The following ZNF248 variants were observed in gnomAD, a reference collection of about 807,000 sequenced individuals.
The protein encoded by ZNF248 is zinc finger protein 248.
A neutral mutation model predicts 44.3 loss-of-function variants in ZNF248; 20 were observed. That is an observed-to-expected ratio of 0.45 (90% CI 0.32 to 0.66). The LOEUF (loss-of-function observed/expected upper bound fraction) is 0.66, where lower values mean the gene tolerates loss of function less well. Among genes scored for constraint, ZNF248 ranks in the 30% least tolerant of loss-of-function variants. The pLI is 0.04. For missense variants in ZNF248, 654 were observed against 677.0 expected (o/e 0.97, Z 0.38); for synonymous variants, 224 against 229.0 (o/e 0.98, Z 0.20).
Position 37,778,138 on chromosome 10 carries a change from T to C in ZNF248, c.331-1563A>G, listed in dbSNP as rs1317250340. On this transcript the variant is annotated intron_variant, in intron 6 of 6. Coordinates refer to the ZNF248 transcript ENST00000615949. Reference sequence around the variant, plus strand: ...TGACTTCCACAATGGTTGAACTAGTTTACAGTCCCACCAACAGTGTAAAAG... The same window carrying C: ...TGACTTCCACAATGGTTGAACTAGTCTACAGTCCCACCAACAGTGTAAAAG... Among the ~76,000 whole-genome samples the C allele has an allele frequency of 2.0e-5, 3 of 152,162 alleles. No individual in the cohort carries two copies. The East Asian group carries it at 5.8e-4, about 29-fold the overall frequency.
chr10:37,821,345 G>A (rs1474155262), intron 6 of ZNF248, among the ~76,000 whole-genome samples: 1 of 152,174 alleles, frequency 6.6e-6, no homozygotes, highest in Admixed American at 6.5e-5. Flanking sequence ...GAGGTTTTCA[G>A]TAGTTAAATT....
intron 3 of ZNF248, among the ~76,000 whole-genome samples, chr10:37,849,600 T>C (rs1156867608): frequency 6.6e-6 from 1 of 151,622 alleles, no homozygotes; most frequent in Non-Finnish European, 1.5e-5. Context: ...GGCAGGAGAA[T>C]GGCGTGAACC....
chr10:37,798,950 G>A (rs1429254862), intron 6 of ZNF248, among the ~76,000 whole-genome samples: 1 of 152,028 alleles, frequency 6.6e-6, no homozygotes, highest in Non-Finnish European at 1.5e-5. Flanking sequence ...TTGCTATATA[G>A]TATCTAGTAA....
chr10:37,826,809 T>G (rs1002837101), downstream of ZNF248, among the ~76,000 whole-genome samples: 3 of 152,200 alleles, frequency 2.0e-5, no homozygotes, highest in African/African-American at 7.2e-5. Context: ...ATTTTGTACA[T>G]ATTCTAGCAT....
intron 3 of ZNF248, among the ~76,000 whole-genome samples, chr10:37,853,743 T>C (rs1429115147): frequency 1.3e-5 from 2 of 152,198 alleles, no homozygotes; most frequent in Non-Finnish European, 2.9e-5. Context: ...TCCAGAATTC[T>C]GTCTTTAGTG....
chr10:37,772,493 C>T (rs1026053438), downstream of ZNF248, among the ~76,000 whole-genome samples: 1 of 152,098 alleles, frequency 6.6e-6, no homozygotes, highest in Admixed American at 6.5e-5. Context: ...TGGGATGTTG[C>T]TACTGTATAA....
the ZNF248 span, among the ~76,000 whole-genome samples, chr10:37,767,031 A>C: frequency 6.6e-6 from 1 of 152,210 alleles, no homozygotes; most frequent in African/African-American, 2.4e-5. Context: ...TCAGTGATGG[A>C]AGATGAAATG....
chr10:37,768,037 A>G, the ZNF248 span, among the ~76,000 whole-genome samples: 2 of 152,216 alleles, frequency 1.3e-5, no homozygotes, highest in Non-Finnish European at 2.9e-5. Context: ...GAAGGCCATT[A>G]CGTAATAGTA....
At position 37,836,739 on chromosome 10, in the gene ZNF248, G is replaced by A. The variant is rs1589714128; in HGVS notation, c.238+878C>T. On this transcript the variant is annotated intron_variant, in intron 5 of 5. Transcript: ENST00000395867. ...CTATATACACACACATATGCACATG[G>A]GTGTGTACATATATACAAACACACA... Among the ~76,000 whole-genome samples the A allele has an allele frequency of 2.0e-5, 3 of 147,858 alleles. No individual in the cohort carries two copies. The South Asian group carries it at 6.5e-4, about 32-fold the overall frequency.
intron 6 of ZNF248, among the ~76,000 whole-genome samples, chr10:37,823,319 C>T (rs1196631067): frequency 6.8e-5 from 7 of 102,752 alleles, no homozygotes; most frequent in South Asian, 3.6e-4. Context: ...GGTGACAGAG[C>T]GAGACTCCGT....
At chr10:37,855,168 T>A (rs2061052311) in intron 3 of ZNF248, among the ~76,000 whole-genome samples, 1 of 152,120 alleles carries the variant, frequency 6.6e-6, no homozygotes, top group Non-Finnish European at 1.5e-5. Flanking sequence ...AAAATAGACA[T>A]CTTTGGTAGG....
At chr10:37,853,044 C>T (rs554757853) in intron 3 of ZNF248, among the ~76,000 whole-genome samples, 2 of 152,052 alleles carry the variant, frequency 1.3e-5, no homozygotes, top group African/African-American at 4.8e-5. Context: ...GTACTTTATA[C>T]TAGAAACATG....
intron 6 of ZNF248, among the ~76,000 whole-genome samples, chr10:37,793,791 G>A (rs913141668): frequency 4.6e-5 from 7 of 151,916 alleles, no homozygotes; most frequent in South Asian, 2.1e-4. Flanking sequence ...GTATATATGC[G>A]TGTACACATA....
At chr10:37,802,674 T>C (rs1194546667) in intron 6 of ZNF248, 2 of 152,152 alleles carry the variant, frequency 1.3e-5, no homozygotes, top group Non-Finnish European at 2.9e-5. Context: ...ACTTGTCCCT[T>C]CAGTTCGAAA....
rs896831067 is a variant in ZNF248 at position 37,831,030 on chromosome 10, A to G, written c.*585T>C. ...TATTTAAGTATGTGTGTAGAAATAT[A>G]TTTACATATACACACAAACATATGT... On this transcript the variant is annotated 3_prime_UTR_variant, in exon 6 of 6. Coordinates refer to ENST00000395867, the MANE Select transcript of ZNF248 (RefSeq NM_021045.3). 3 of 987,858 alleles carry G rather than the reference A, an allele frequency of 3.0e-6. No individual in the cohort carries two copies. Among genetic ancestry groups the G allele is most frequent in the Middle Eastern group, 3.9e-4 (1 of 2,540 alleles). The allele number at this position is 987,858 out of a possible 1,614,324, so 61.2% of individuals were successfully genotyped here. A position where few individuals can be genotyped will look rare whatever the true frequency, so the allele number is the denominator to read the frequency against.
At chr10:37,841,206 G>A (rs1265773463) in intron 3 of ZNF248, among the ~76,000 whole-genome samples, 2 of 152,094 alleles carry the variant, frequency 1.3e-5, no homozygotes, top group African/African-American at 4.8e-5. Flanking sequence ...GTGTCTAAAT[G>A]TGCACATTTC....
intron 6 of ZNF248, among the ~76,000 whole-genome samples, chr10:37,800,035 C>T (rs1436055993): frequency 6.6e-6 from 1 of 151,778 alleles, no homozygotes; most frequent in Non-Finnish European, 1.5e-5. Context: ...TAATGAGACT[C>T]TGTCTCTATC....
In ZNF248 at chr10:37,852,923, G is replaced by A. The variant is rs1403140885; in HGVS notation, c.15+3373C>T. Among the ~76,000 whole-genome samples the A allele has an allele frequency of 4.6e-5, 7 of 151,828 alleles. No individual in the cohort carries two copies. In the East Asian group the frequency reaches 7.8e-4, roughly 17 times the overall value. On this transcript the variant is annotated intron_variant, in intron 3 of 5. Coordinates refer to ENST00000395867, the MANE Select transcript of ZNF248 (RefSeq NM_021045.3). ...TGTTGCCAGGCTGGAGTGCAGTTGC[G>A]TGATCTCGGCTCACTGCAACCTCTG...
At chr10:37,770,357 T>G in the ZNF248 span, among the ~76,000 whole-genome samples, 1 of 152,190 alleles carries the variant, frequency 6.6e-6, no homozygotes, top group East Asian at 1.9e-4. Flanking sequence ...GGCATTACGC[T>G]ACCTGACTTC....
Sources: gnomAD v4.1 joint callset for allele counts (sites outside exome capture counted in the v4.1 genomes callset) on GRCh38, gnomAD v4.1.1 for gene constraint, MANE v1.5 for transcripts, NCBI Gene and HGNC (gene_info 2026-07-23, HGNC 2026-07-21) for gene names.